The following PCDHGA4 variants were observed in gnomAD, a reference collection of about 807,000 sequenced individuals.
The protein encoded by PCDHGA4 is protocadherin gamma-A4.
Under a neutral mutation model 54.6 loss-of-function variants are expected in PCDHGA4, and 38 were observed. The ratio of observed to expected loss-of-function variants is 0.70; its 90% confidence interval spans 0.54 to 0.91. PCDHGA4 has a LOEUF of 0.91. Ranked by LOEUF, PCDHGA4 falls within the 40% of genes least tolerant of loss-of-function variation. PCDHGA4 has a pLI of 0.00. For missense variants in PCDHGA4, 1,298 were observed against 1,220.9 expected (o/e 1.06, Z -0.94); for synonymous variants, 511 against 512.9 (o/e 1.00, Z 0.05).
At chr5:141,438,834 T>A (rs915381229) in intron 1 of PCDHGA4, among the ~76,000 whole-genome samples, 5 of 150,606 alleles carry the variant, frequency 3.3e-5, no homozygotes, top group South Asian at 2.1e-4. Context: ...GCTAATTTTT[T>A]AAAATATTTT....
intron 1 of PCDHGA4, among the ~76,000 whole-genome samples, chr5:141,483,679 CAGAA>C (rs1470395939): frequency 6.7e-6 from 1 of 149,028 alleles, no homozygotes; most frequent in Non-Finnish European, 1.5e-5. Flanking sequence ...TAAAAGAACA[CAGAA>C]AGCCAGATTC....
intron 1 of PCDHGA4, chr5:141,393,074 G>A (rs775449711): frequency 3.7e-6 from 6 of 1,613,710 alleles, no homozygotes; most frequent in Non-Finnish European, 5.1e-6. Context: ...TGATCACCGC[G>A]GGCAGGATAG....
chr5:141,437,741 CTTT>C (rs35124340), intron 1 of PCDHGA4, among the ~76,000 whole-genome samples: 1 of 141,708 alleles, frequency 7.1e-6, no homozygotes. Context: ...TTGAGTTCAC[CTTT>C]TTTTTTTTTT....
chr5:141,471,846 T>C (rs2099265433), intron 1 of PCDHGA4, among the ~76,000 whole-genome samples: 1 of 152,180 alleles, frequency 6.6e-6, no homozygotes. Context: ...AATAAAATAT[T>C]CAGAAAAAGC....
intron 1 of PCDHGA4, chr5:141,360,002 A>G: frequency 8.5e-7 from 1 of 1,173,940 alleles, no homozygotes; most frequent in Non-Finnish European, 1.1e-6. Context: ...TCCTGCACAA[A>G]CCAACCACAC....
chr5:141,489,151 A>G lies in PCDHGA4; in HGVS notation c.2515-5656A>G. On this transcript the variant is annotated intron_variant, in intron 1 of 3. Transcript: ENST00000571252. This position sits in a 1 kb window ranked among gnomAD's most constrained non-coding sequence, Gnocchi z 4.5. ...TTTTTAAGAGGCTGGAAGGAGACAT[A>G]AGAGACTTCAGCTGCTGCATTCCAA... is the stretch of plus-strand genomic sequence containing the variant. The G allele has an allele frequency of 4.3e-6, 4 of 932,968 alleles. No individual in the cohort carries two copies. Among genetic ancestry groups the G allele is most frequent in the Non-Finnish European group, 6.4e-6 (4 of 622,052 alleles). 57.8% of individuals were successfully genotyped at this position (932,968 alleles called of 1,614,324 possible).
intron 1 of PCDHGA4, among the ~76,000 whole-genome samples, chr5:141,468,797 C>T (rs191599825): frequency 0.01 from 1,525 of 151,876 alleles, 28 homozygotes; most frequent in African/African-American, 0.035. Flanking sequence ...ACCCGGGAGG[C>T]GGAACTTGCA....
chr5:141,392,570 AG>A (rs1561637414), intron 1 of PCDHGA4: 1 of 443,018 alleles, frequency 2.3e-6, no homozygotes, highest in East Asian at 3.6e-5. Context: ...GTAACTATTT[AG>A]GACTGTAAGC....
chr5:141,459,862 C>T (rs931723906), intron 1 of PCDHGA4, among the ~76,000 whole-genome samples: 3 of 152,158 alleles, frequency 2.0e-5, no homozygotes, highest in East Asian at 1.9e-4. Context: ...TTGAAGCATT[C>T]GTTCATCTTT....
At chr5:141,412,987 A>T (rs192699644) in intron 1 of PCDHGA4, 1 of 564,522 alleles carries the variant, frequency 1.8e-6, no homozygotes, top group African/African-American at 1.9e-5. Flanking sequence ...GCCAGAGCTC[A>T]ATCCGGATTC....
At chr5:141,365,038 C>T (rs1763692774) in intron 1 of PCDHGA4, 3 of 1,613,858 alleles carry the variant, frequency 1.9e-6, no homozygotes, top group Non-Finnish European at 2.5e-6. Flanking sequence ...TCGACGCAAA[C>T]GACAATGCGC....
intron 1 of PCDHGA4, chr5:141,415,573 G>T (rs375863243): frequency 1.9e-6 from 3 of 1,614,022 alleles, no homozygotes; most frequent in South Asian, 2.2e-5. Context: ...TTTGTTAGAT[G>T]ATTCGAAGTT....
Position 141,360,234 on chromosome 5 carries a change from C to T in PCDHGA4, c.2514+2613C>T, listed in dbSNP as rs774582698. The T allele has an allele frequency of 3.1e-6, 5 of 1,613,870 alleles. No individual in the cohort carries two copies. The South Asian group carries it at 5.5e-5, about 18-fold the overall frequency. On this transcript the variant is annotated intron_variant, in intron 1 of 3. Transcript: ENST00000571252. ...TCCCCGGGGCTCTCCCAGTCCAGAT[C>T]CGCTATTCAATTCCAGAGGAGCTGG...
chr5:141,403,135 GCGCCGAGTC>G, intron 1 of PCDHGA4: 4 of 1,614,064 alleles, frequency 2.5e-6, no homozygotes, highest in Non-Finnish European at 3.4e-6. Context: ...AGCTGGCGGA[GCGCCGAGTC>G]CGCATCGTCT....
chr5:141,385,604 CAT>C, intron 1 of PCDHGA4: 1 of 1,188,174 alleles, frequency 8.4e-7, no homozygotes, highest in Non-Finnish European at 1.1e-6. Flanking sequence ...TTTCTTAACT[CAT>C]ATATTTTATA....
chr5:141,397,509 T>G (rs2093532710), intron 1 of PCDHGA4, among the ~76,000 whole-genome samples: 1 of 152,204 alleles, frequency 6.6e-6, no homozygotes, highest in African/African-American at 2.4e-5. Flanking sequence ...TAAAATTGTT[T>G]CCATAGCTAA....
intron 1 of PCDHGA4, among the ~76,000 whole-genome samples, chr5:141,363,489 G>T (rs527713063): frequency 1.3e-5 from 2 of 152,304 alleles, no homozygotes; most frequent in Non-Finnish European, 1.5e-5. Flanking sequence ...CATGGATGAT[G>T]AAATAAAACC....
At chr5:141,451,925 G>A (rs1391178313) in intron 1 of PCDHGA4, among the ~76,000 whole-genome samples, 2 of 152,012 alleles carry the variant, frequency 1.3e-5, no homozygotes, top group East Asian at 3.8e-4. Context: ...AGGAAGGGAG[G>A]TAGGGAGGCA....
intron 1 of PCDHGA4, chr5:141,408,003 C>A: frequency 3.3e-6 from 3 of 917,520 alleles, no homozygotes; most frequent in Non-Finnish European, 4.7e-6. Context: ...GCCTGGGATT[C>A]CCTGCGCAGC....
Sources: allele counts gnomAD v4.1 joint callset (sites outside exome capture counted in the v4.1 genomes callset), GRCh38; gene constraint gnomAD v4.1.1; non-coding constraint Gnocchi (gnomAD v3.1); transcripts MANE v1.5; gene names NCBI Gene and HGNC (gene_info 2026-07-23, HGNC 2026-07-21).